The following FAM107B variants were observed in gnomAD, a reference collection of about 807,000 sequenced individuals.
FAM107B encodes protein FAM107B.
In FAM107B, 21 loss-of-function variants were observed where a neutral mutation model predicts 31.5. The observed-to-expected ratio is 0.67, with a 90% CI of 0.47 to 0.96. The LOEUF (loss-of-function observed/expected upper bound fraction) is 0.96. Ranked by LOEUF, FAM107B falls within the 40% of genes least tolerant of loss-of-function variation. The pLI is 0.00. For missense variants in FAM107B, 452 were observed against 377.1 expected, an observed-to-expected ratio of 1.20 and a Z score of -1.64; for synonymous variants, 157 against 141.5, an observed-to-expected ratio of 1.11 and a Z score of -0.78.
intron 2 of FAM107B, among the ~76,000 whole-genome samples, chr10:14,597,638 C>T (rs538590772): frequency 1.3e-5 from 2 of 152,298 alleles, no homozygotes; most frequent in African/African-American, 4.8e-5. Flanking sequence ...GACATCACTG[C>T]CGGCTGCATT....
At chr10:14,605,057 C>T (rs191915921) in intron 2 of FAM107B, among the ~76,000 whole-genome samples, 166 of 152,284 alleles carry the variant, frequency 1.1e-3, no homozygotes, top group African/African-American at 3.7e-3. Context: ...AGAAATCCTG[C>T]CAGTTCCTCT....
intron 2 of FAM107B, among the ~76,000 whole-genome samples, chr10:14,626,498 T>A (rs993370472): frequency 2.1e-3 from 182 of 88,158 alleles, no homozygotes; most frequent in African/African-American, 7.0e-3. Flanking sequence ...TTGAGGCGGA[T>A]CTTTTTTTTC....
At chr10:14,554,139 TGTTCAGAGA>T in intron 2 of FAM107B, 1 of 985,426 alleles carries the variant, frequency 1.0e-6, no homozygotes, top group African/African-American at 1.7e-5. Context: ...TGGCCTCGCC[TGTTCAGAGA>T]GTTAGAAATG....
chr10:14,717,424 G>T (rs181636007), intron 1 of FAM107B, among the ~76,000 whole-genome samples: 1 of 152,288 alleles, frequency 6.6e-6, no homozygotes, highest in East Asian at 1.9e-4. Context: ...GCATGGCTCA[G>T]TCCAGGTCCA....
intron 2 of FAM107B, among the ~76,000 whole-genome samples, chr10:14,648,636 A>G (rs958646786): frequency 6.6e-6 from 1 of 152,182 alleles, no homozygotes; most frequent in Non-Finnish European, 1.5e-5. Context: ...GAGGACAGGC[A>G]CCTTCTGCCT....
At chr10:14,624,734 A>T (rs1357089615) in intron 2 of FAM107B, among the ~76,000 whole-genome samples, 1 of 152,252 alleles carries the variant, frequency 6.6e-6, no homozygotes, top group Non-Finnish European at 1.5e-5. Context: ...GACAAATGTC[A>T]TAAAATAACT....
intron 2 of FAM107B, among the ~76,000 whole-genome samples, chr10:14,591,902 G>C (rs547961007): frequency 6.6e-6 from 1 of 152,052 alleles, no homozygotes; most frequent in Non-Finnish European, 1.5e-5. Flanking sequence ...AACATTCTAC[G>C]GAACAAGTGA....
At chr10:14,726,335 T>C (rs930101782) in intron 1 of FAM107B, among the ~76,000 whole-genome samples, 2 of 152,108 alleles carry the variant, frequency 1.3e-5, no homozygotes, top group Admixed American at 6.6e-5. Context: ...TAAAAATCTA[T>C]GTGGGAAGCA....
intron 1 of FAM107B, chr10:14,723,258 A>T: frequency 1.9e-6 from 1 of 534,422 alleles, no homozygotes; most frequent in Non-Finnish European, 3.7e-6. Flanking sequence ...CGAGCACTCC[A>T]GTCTTCAGTA....
At chr10:14,724,730 A>C (rs1036088969) in intron 1 of FAM107B, among the ~76,000 whole-genome samples, 1 of 152,050 alleles carries the variant, frequency 6.6e-6, no homozygotes, top group African/African-American at 2.4e-5. Flanking sequence ...ACAAGTTCCC[A>C]GGAACCCACT....
At position 14,646,394 on chromosome 10, in the gene FAM107B, G is replaced by A. The variant is rs188327985; in HGVS notation, c.469+21240C>T. Among the ~76,000 whole-genome samples, 322 of 152,128 alleles carry A rather than the reference G, an allele frequency of 2.1e-3. 1 individual carries two copies. Among genetic ancestry groups the A allele is most frequent in the Non-Finnish European group, 3.7e-3 (250 of 68,016 alleles). On this transcript the variant is annotated intron_variant, in intron 2 of 4. Transcript: ENST00000181796. ...CACTGTACCACTCTGTATGCCCATC[G>A]CTTAGCTCCCATTTAGGAGTGAGAA... is the stretch of plus-strand genomic sequence containing the variant.
chr10:14,612,535 C>T (rs780484686), intron 2 of FAM107B: 15 of 152,214 alleles, frequency 9.9e-5, no homozygotes, highest in Admixed American at 2.0e-4. Context: ...TTTTCTAAGT[C>T]CACAGCTAAC....
chr10:14,695,362 CT>C (rs1230937589), intron 1 of FAM107B, among the ~76,000 whole-genome samples: 1 of 152,136 alleles, frequency 6.6e-6, no homozygotes, highest in African/African-American at 2.4e-5. Flanking sequence ...CTCTGTGTGT[CT>C]ATGTTTATGC....
intron 2 of FAM107B, among the ~76,000 whole-genome samples, chr10:14,647,976 A>G (rs888634567): frequency 1.3e-5 from 2 of 152,038 alleles, no homozygotes; most frequent in African/African-American, 4.8e-5. Flanking sequence ...AACTGAAAAA[A>G]TGGAGTGAGA....
chr10:14,723,927 A>C, intron 1 of FAM107B: 1 of 751,652 alleles, frequency 1.3e-6, no homozygotes, highest in Non-Finnish European at 2.4e-6. Context: ...AGATGCCATC[A>C]CTTTTCCTTT....
chr10:14,692,244 C>T (rs1007726430), intron 1 of FAM107B, among the ~76,000 whole-genome samples: 1 of 152,132 alleles, frequency 6.6e-6, no homozygotes, highest in Non-Finnish European at 1.5e-5. Context: ...CAAAACAAGG[C>T]GTACCCCTGG....
intron 2 of FAM107B, among the ~76,000 whole-genome samples, chr10:14,609,777 G>A (rs957418004): frequency 5.3e-5 from 8 of 152,216 alleles, no homozygotes; most frequent in Admixed American, 1.3e-4. Context: ...AATTGTGGAG[G>A]CTATCTTAGA....
chr10:14,559,666 T>C (rs1332578672), intron 2 of FAM107B, among the ~76,000 whole-genome samples: 1 of 151,016 alleles, frequency 6.6e-6, no homozygotes, highest in African/African-American at 2.4e-5. Context: ...GCCTCCTGGG[T>C]TCACGTGATT....
At chr10:14,704,941 T>C (rs1394223267) in intron 1 of FAM107B, among the ~76,000 whole-genome samples, 3 of 146,822 alleles carry the variant, frequency 2.0e-5, no homozygotes, top group African/African-American at 5.1e-5. Flanking sequence ...GGAGAATCAC[T>C]TGAACCCGGG....
Sources: allele counts gnomAD v4.1 joint callset (sites outside exome capture counted in the v4.1 genomes callset), GRCh38; gene constraint gnomAD v4.1.1; transcripts MANE v1.5; gene names NCBI Gene and HGNC (gene_info 2026-07-23, HGNC 2026-07-21).